The following WDTC1 variants were observed in gnomAD, a reference collection of about 807,000 sequenced individuals.
WDTC1 encodes WD and tetratricopeptide repeats 1.
A neutral mutation model predicts 76.0 loss-of-function variants in WDTC1; 12 were observed. The observed-to-expected ratio is 0.16, with a 90% CI of 0.10 to 0.26. The LOEUF is 0.26. WDTC1 is among the 10% of genes least tolerant of loss of function. The pLI, the probability that WDTC1 is intolerant of heterozygous loss-of-function variation, is 1.00. For missense variants in WDTC1, 511 were observed against 908.8 expected (o/e 0.56, Z 5.63); for synonymous variants, 326 against 350.8 (o/e 0.93, Z 0.79).
Position 27,254,408 on chromosome 1 carries a change from C to A in WDTC1, c.-99-6548C>A, listed in dbSNP as rs539192848. Among the ~76,000 whole-genome samples, 12 of 152,132 alleles carry A rather than the reference C, an allele frequency of 7.9e-5. No homozygotes were observed. The East Asian group carries it at 2.3e-3, about 30-fold the overall frequency. On this transcript the variant is annotated intron_variant, in intron 1 of 15. Coordinates refer to ENST00000319394, the MANE Select transcript of WDTC1 (RefSeq NM_001276252.2). ...TGTCAGGAGTTCAAGATCAGCCTGA[C>A]CAATATGGCGAAACCCTGTCTCTGC...
At chr1:27,268,142 T>C (rs2012731914) in intron 3 of WDTC1, among the ~76,000 whole-genome samples, 1 of 152,126 alleles carries the variant, frequency 6.6e-6, no homozygotes, top group Non-Finnish European at 1.5e-5. Flanking sequence ...TTCATCATCA[T>C]TTTGAGAAAT....
At chr1:27,291,692 G>A (rs1156700074) in intron 6 of WDTC1, among the ~76,000 whole-genome samples, 1 of 152,142 alleles carries the variant, frequency 6.6e-6, no homozygotes, top group Non-Finnish European at 1.5e-5. Flanking sequence ...GATCTGCAGA[G>A]TCTCTTTTCT....
intron 1 of WDTC1, among the ~76,000 whole-genome samples, chr1:27,258,491 C>T (rs1362956598): frequency 7.5e-6 from 1 of 132,754 alleles, no homozygotes; most frequent in Admixed American, 8.8e-5. Context: ...AAGATTATGC[C>T]ACTGCACTCC....
chr1:27,282,793 C>T (rs1017008187), intron 4 of WDTC1, among the ~76,000 whole-genome samples: 2 of 151,808 alleles, frequency 1.3e-5, no homozygotes, highest in African/African-American at 4.8e-5. Context: ...CATGAACTAC[C>T]GCGCCCGGCC....
At chr1:27,277,298 A>G (rs1240955623) in intron 3 of WDTC1, among the ~76,000 whole-genome samples, 1 of 152,066 alleles carries the variant, frequency 6.6e-6, no homozygotes, top group African/African-American at 2.4e-5. Context: ...TTCTTCTAAG[A>G]GTTTTGTAGT....
At chr1:27,278,209 C>T (rs2147954995) in intron 3 of WDTC1, among the ~76,000 whole-genome samples, 1 of 152,282 alleles carries the variant, frequency 6.6e-6, no homozygotes. Flanking sequence ...GGGAACACAG[C>T]ATACTCACTT....
chr1:27,304,389 C>T (rs577051172), intron 14 of WDTC1: 7 of 156,976 alleles, frequency 4.5e-5, no homozygotes, highest in South Asian at 3.9e-4. Context: ...GCAGGAGGAT[C>T]GCTTGAGCCC....
chr1:27,240,356 C>G (rs1190426402), intron 1 of WDTC1, among the ~76,000 whole-genome samples: 2 of 152,060 alleles, frequency 1.3e-5, no homozygotes, highest in Non-Finnish European at 2.9e-5. Flanking sequence ...GAACCCATGT[C>G]TCCTCCTTAG....
intron 13 of WDTC1, among the ~76,000 whole-genome samples, chr1:27,302,670 G>A (rs1570989835): frequency 6.6e-6 from 1 of 152,094 alleles, no homozygotes; most frequent in Admixed American, 6.5e-5. Flanking sequence ...GAGCCCAGGA[G>A]GTCAAGGCTA....
intron 6 of WDTC1, among the ~76,000 whole-genome samples, chr1:27,288,952 C>T (rs1222196524): frequency 3.4e-5 from 5 of 149,052 alleles, no homozygotes; most frequent in African/African-American, 4.9e-5. Context: ...CCTCACCTCC[C>T]GGACGGGGCG....
intron 1 of WDTC1, among the ~76,000 whole-genome samples, chr1:27,240,150 CA>C (rs1482240728): frequency 6.6e-6 from 1 of 152,134 alleles, no homozygotes; most frequent in African/African-American, 2.4e-5. Flanking sequence ...CTTGGCCCCC[CA>C]AAGTGCTGGG....
chr1:27,247,134 G>A (rs555774925), intron 1 of WDTC1, among the ~76,000 whole-genome samples: 1 of 151,844 alleles, frequency 6.6e-6, no homozygotes, highest in Non-Finnish European at 1.5e-5. Context: ...TCAGCTCACT[G>A]CAACCTCTGC....
intron 12 of WDTC1, among the ~76,000 whole-genome samples, chr1:27,298,914 T>G (rs991565059): frequency 6.6e-6 from 1 of 152,100 alleles, no homozygotes; most frequent in East Asian, 1.9e-4. Flanking sequence ...GAGGGAAACT[T>G]AAGAAACCCA....
chr1:27,271,293 C>T (rs1401676259), intron 3 of WDTC1, among the ~76,000 whole-genome samples: 1 of 151,994 alleles, frequency 6.6e-6, no homozygotes, highest in Non-Finnish European at 1.5e-5. Context: ...TGGCTCACTG[C>T]AACCTCTGCC....
At chr1:27,250,456 T>G (rs564932209) in intron 1 of WDTC1, among the ~76,000 whole-genome samples, 1 of 152,250 alleles carries the variant, frequency 6.6e-6, no homozygotes, top group Admixed American at 6.5e-5. Context: ...AGCCCTGTTA[T>G]GTATTTTCAT....
intron 7 of WDTC1, among the ~76,000 whole-genome samples, chr1:27,292,854 C>T (rs1381323631): frequency 1.3e-5 from 2 of 149,828 alleles, no homozygotes; most frequent in African/African-American, 4.9e-5. Context: ...CTCTGCCTCC[C>T]GGGTTCAAGC....
At chr1:27,267,343 T>C (rs2012708308) in intron 3 of WDTC1, among the ~76,000 whole-genome samples, 1 of 152,126 alleles carries the variant, frequency 6.6e-6, no homozygotes, top group Non-Finnish European at 1.5e-5. Flanking sequence ...CCTCCTGGGC[T>C]GAAGCAGTTC....
chr1:27,247,259 G>A (rs1570938871), intron 1 of WDTC1, among the ~76,000 whole-genome samples: 5 of 151,860 alleles, frequency 3.3e-5, no homozygotes, highest in African/African-American at 9.7e-5. Flanking sequence ...GTTTTACCAC[G>A]TTGGCTAGGC....
chr1:27,293,347 G>A (rs2013591317), intron 7 of WDTC1, among the ~76,000 whole-genome samples: 1 of 150,794 alleles, frequency 6.6e-6, no homozygotes, highest in African/African-American at 2.4e-5. Context: ...CAGGAGAATG[G>A]CGTCAACCTG....
Sources: allele counts gnomAD v4.1 joint callset (sites outside exome capture counted in the v4.1 genomes callset), GRCh38; gene constraint gnomAD v4.1.1; transcripts MANE v1.5; gene names NCBI Gene and HGNC (gene_info 2026-07-23, HGNC 2026-07-21).